ZNF600: variants seen among roughly 807,000 people sequenced by gnomAD.
ZNF600 encodes zinc finger protein KR-ZNF1.
In ZNF600, 4 loss-of-function variants were observed where a neutral mutation model predicts 7.3. That is an observed-to-expected ratio of 0.55 (90% CI 0.27 to 1.25). ZNF600 has a LOEUF of 1.25. Among genes scored for constraint, ZNF600 ranks in the 50% most tolerant of loss-of-function variants. The probability of loss-of-function intolerance (pLI) is 0.12; values close to 1 mark genes in which losing one functional copy is unlikely to be tolerated. For missense variants in ZNF600, 911 were observed against 922.1 expected (o/e 0.99, Z 0.16); for synonymous variants, 290 against 308.9 (o/e 0.94, Z 0.64).
chr19:52,783,350 C>G (rs1460943119), intron 1 of ZNF600, among the ~76,000 whole-genome samples: 1 of 152,168 alleles, frequency 6.6e-6, no homozygotes, highest in Admixed American at 6.5e-5. Flanking sequence ...CTTTTCCCCT[C>G]CATCATTCCT....
At chr19:52,826,867 A>C in the ZNF600 span, among the ~76,000 whole-genome samples, 910 of 152,094 alleles carry the variant, frequency 6.0e-3, 6 homozygotes, top group African/African-American at 0.021. Context: ...CGACAGAGCA[A>C]GACTCCATTC....
At chr19:52,832,902 G>A in the ZNF600 span, among the ~76,000 whole-genome samples, 1 of 152,136 alleles carries the variant, frequency 6.6e-6, no homozygotes, top group South Asian at 2.1e-4. Flanking sequence ...CTCCTGAGTG[G>A]CTGAGATTAC....
At chr19:52,810,234 AAT>A in the ZNF600 span, 8 of 1,168,512 alleles carry the variant, frequency 6.8e-6, no homozygotes, top group Non-Finnish European at 7.7e-6. Context: ...GAAGCAGAGG[AAT>A]ATGAGTCTAC....
chr19:52,804,896 T>G, the ZNF600 span, among the ~76,000 whole-genome samples: 6 of 152,188 alleles, frequency 3.9e-5, no homozygotes, highest in South Asian at 1.2e-3. Flanking sequence ...ACAAATCTTA[T>G]TAAACAAAGG....
chr19:52,787,033 G>A (rs1287364554), upstream of ZNF600, among the ~76,000 whole-genome samples: 1 of 152,282 alleles, frequency 6.6e-6, no homozygotes, highest in Non-Finnish European at 1.5e-5. Context: ...AATGTGAAAT[G>A]CAAAGCCCTG....
the ZNF600 span, chr19:52,798,554 A>G: frequency 1.2e-5 from 6 of 506,416 alleles, no homozygotes; most frequent in African/African-American, 1.2e-4. Context: ...TCTGATGTCT[A>G]TTGAGGTGTG....
At chr19:52,769,008 C>T (rs1159126085) in intron 3 of ZNF600, among the ~76,000 whole-genome samples, 11 of 152,256 alleles carry the variant, frequency 7.2e-5, no homozygotes, top group East Asian at 3.9e-4. Context: ...GACAAGAGTG[C>T]GAGCCTTCTG....
the ZNF600 span, among the ~76,000 whole-genome samples, chr19:52,795,246 C>A: frequency 1.3e-5 from 2 of 152,114 alleles, no homozygotes; most frequent in East Asian, 1.9e-4. Context: ...GAATAATAGG[C>A]TACATGAACT....
At chr19:52,828,904 AGGCTGGAAT>A in the ZNF600 span, among the ~76,000 whole-genome samples, 5 of 152,192 alleles carry the variant, frequency 3.3e-5, no homozygotes, top group African/African-American at 1.2e-4. Context: ...CCTGTCACCC[AGGCTGGAAT>A]GCTGTGGCAG....
At chr19:52,813,742 C>T in the ZNF600 span, among the ~76,000 whole-genome samples, 2 of 146,252 alleles carry the variant, frequency 1.4e-5, no homozygotes, top group East Asian at 2.0e-4. Flanking sequence ...AGAAGATCTC[C>T]GTTCCGCTCC....
exon 4 of ZNF600, chr19:52,764,933 C>T (rs1350305759): frequency 5.9e-6 from 1 of 169,934 alleles, no homozygotes; most frequent in Non-Finnish European, 1.3e-5. Context: ...AAGTGGCTGA[C>T]ATCTGTTGGC....
intron 2 of ZNF600, among the ~76,000 whole-genome samples, chr19:52,777,873 T>C (rs531752115): frequency 1.6e-4 from 24 of 152,196 alleles, no homozygotes; most frequent in Non-Finnish European, 3.1e-4. Flanking sequence ...TATACATACA[T>C]ACGGTGACCC....
At chr19:52,810,938 G>C in the ZNF600 span, among the ~76,000 whole-genome samples, 3 of 120,102 alleles carry the variant, frequency 2.5e-5, no homozygotes, top group African/African-American at 9.4e-5. Context: ...CTCTGATGCC[G>C]AGCCAAAGCT....
At chr19:52,808,612 C>A in the ZNF600 span, among the ~76,000 whole-genome samples, 3 of 136,756 alleles carry the variant, frequency 2.2e-5, no homozygotes, top group South Asian at 2.3e-4. Context: ...CCAGCCTGGG[C>A]AACAGAAACT....
chr19:52,803,432 C>T, the ZNF600 span, among the ~76,000 whole-genome samples: 1 of 151,946 alleles, frequency 6.6e-6, no homozygotes. Context: ...TACCACATAC[C>T]GAAAACTCAC....
At chr19:52,783,363 TTTTG>T (rs781088687) in intron 1 of ZNF600, among the ~76,000 whole-genome samples, 5 of 152,146 alleles carry the variant, frequency 3.3e-5, no homozygotes, top group African/African-American at 9.7e-5. Flanking sequence ...TCATTCCTTT[TTTTG>T]TTTGTTTGTT....
chr19:52,795,236 G>A, the ZNF600 span, among the ~76,000 whole-genome samples: 1 of 152,086 alleles, frequency 6.6e-6, no homozygotes, highest in East Asian at 1.9e-4. Context: ...AAAGAAAATG[G>A]AATAATAGGC....
the ZNF600 span, among the ~76,000 whole-genome samples, chr19:52,820,429 C>A: frequency 6.7e-6 from 1 of 149,936 alleles, no homozygotes; most frequent in Non-Finnish European, 1.5e-5. Context: ...TATTTAACCT[C>A]TTGTTGGTCC....
At chr19:52,787,580 C>A (rs1274823800), upstream of ZNF600, among the ~76,000 whole-genome samples, 1 of 150,644 alleles carries the variant, frequency 6.6e-6, no homozygotes, top group Non-Finnish European at 1.5e-5. Flanking sequence ...AAAACAAGAC[C>A]GGGCGCGCTG....
Sources: gnomAD v4.1 joint callset for allele counts (sites outside exome capture counted in the v4.1 genomes callset) on GRCh38, gnomAD v4.1.1 for gene constraint, MANE v1.5 for transcripts, NCBI Gene and HGNC (gene_info 2026-07-23, HGNC 2026-07-21) for gene names.